The following CTNNA2 variants were observed in gnomAD, a reference collection of about 807,000 sequenced individuals.
CTNNA2 encodes catenin alpha-2.
In CTNNA2, 42 loss-of-function variants were observed where a neutral mutation model predicts 101.0. The ratio of observed to expected loss-of-function variants is 0.42; its 90% confidence interval spans 0.32 to 0.54. CTNNA2 has a LOEUF of 0.54. CTNNA2 is among the 20% of genes least tolerant of loss of function. The pLI is 0.14. For missense variants in CTNNA2, 871 were observed against 1,223.1 expected (o/e 0.71, Z 4.29); for synonymous variants, 450 against 456.4 (o/e 0.99, Z 0.18).
chr2:80,051,404 A>T (rs2104332537), intron 7 of CTNNA2, among the ~76,000 whole-genome samples: 1 of 152,352 alleles, frequency 6.6e-6, no homozygotes, highest in South Asian at 2.1e-4. Context: ...TGTAGATTCA[A>T]GCAAATAATA....
intron 9 of CTNNA2, among the ~76,000 whole-genome samples, chr2:80,513,062 C>T (rs548042338): frequency 6.6e-6 from 1 of 152,150 alleles, no homozygotes; most frequent in Non-Finnish European, 1.5e-5. Context: ...AGAGAGTATA[C>T]CCACAAGTGC....
At chr2:80,447,685 A>T (rs1209718357) in intron 9 of CTNNA2, among the ~76,000 whole-genome samples, 1 of 151,648 alleles carries the variant, frequency 6.6e-6, no homozygotes, top group East Asian at 1.9e-4. Flanking sequence ...CCTTCCCTTC[A>T]TCCTTCTCCC....
intron 1 of CTNNA2, among the ~76,000 whole-genome samples, chr2:79,516,683 T>TA (rs1371752387): frequency 6.6e-6 from 1 of 152,150 alleles, no homozygotes; most frequent in Non-Finnish European, 1.5e-5. Context: ...TTATCTCACC[T>TA]AAAGCCCCAT....
Position 80,402,701 on chromosome 2 carries a change from C to T in CTNNA2, c.1137+9410C>T, listed in dbSNP as rs138021706. Among the ~76,000 whole-genome samples, 895 of 150,780 alleles carry T rather than the reference C, an allele frequency of 5.9e-3. 9 individuals are homozygous for T. The highest frequency in any genetic ancestry group is 0.021 in the African/African-American group (847 of 41,114). ...TTAGGAACCAGGGCAGAGGTCTGAA[C>T]GAGGGGTTCAGGAACCAGGGGCAAT... On this transcript the variant is annotated intron_variant, in intron 8 of 18. Transcript: ENST00000402739.
intron 7 of CTNNA2, among the ~76,000 whole-genome samples, chr2:80,001,966 A>G (rs1470632623): frequency 6.6e-6 from 1 of 152,224 alleles, no homozygotes; most frequent in Non-Finnish European, 1.5e-5. Flanking sequence ...ATAACTCAGA[A>G]TTTACTCATT....
At chr2:80,413,687 C>G (rs1448631701) in intron 8 of CTNNA2, among the ~76,000 whole-genome samples, 1 of 152,202 alleles carries the variant, frequency 6.6e-6, no homozygotes, top group Non-Finnish European at 1.5e-5. Flanking sequence ...TGGATGGCTC[C>G]TGGCTCAGTC....
In CTNNA2 at chr2:80,530,555, G is replaced by A. The variant is rs939075647; in HGVS notation, c.1291-14427G>A. Among the ~76,000 whole-genome samples the A allele has an allele frequency of 5.9e-5, 9 of 152,160 alleles. No individual in the cohort carries two copies. The East Asian group carries it at 7.7e-4, about 13-fold the overall frequency. ...TAGTGACATTAGATAGCCAGGAAAC[G>A]TTGTTCATAAGTGGTATTAAGCAGA... On this transcript the variant is annotated intron_variant, in intron 9 of 18. Coordinates refer to ENST00000402739, the MANE Select transcript of CTNNA2 (RefSeq NM_001282597.3).
At chr2:79,840,862 C>T (rs995825787) in intron 3 of CTNNA2, among the ~76,000 whole-genome samples, 2 of 151,956 alleles carry the variant, frequency 1.3e-5, no homozygotes, top group Non-Finnish European at 2.9e-5. Flanking sequence ...CTTCGCCTCC[C>T]GGGTTCACGC....
intron 5 of CTNNA2, among the ~76,000 whole-genome samples, chr2:79,871,991 A>C (rs1272251472): frequency 6.6e-6 from 1 of 152,242 alleles, no homozygotes; most frequent in Admixed American, 6.5e-5. Context: ...AAAACAGTAG[A>C]ACAGAAGGAA....
At chr2:79,828,296 A>C (rs1175069979) in intron 3 of CTNNA2, among the ~76,000 whole-genome samples, 1 of 152,236 alleles carries the variant, frequency 6.6e-6, no homozygotes, top group African/African-American at 2.4e-5. Context: ...CAATAAACCT[A>C]AAATGCATCA....
At chr2:79,198,104 A>T (rs560195831) in intron 2 of CTNNA2, 2 of 152,266 alleles carry the variant, frequency 1.3e-5, no homozygotes, top group East Asian at 3.9e-4. Flanking sequence ...TTTCATACAC[A>T]TGGAGACTGG....
chr2:80,485,354 T>G (rs936063255), intron 9 of CTNNA2, among the ~76,000 whole-genome samples: 1 of 152,202 alleles, frequency 6.6e-6, no homozygotes, highest in African/African-American at 2.4e-5. Context: ...AAGAATTACT[T>G]TTCTGATAAC....
At chr2:80,519,668 T>G (rs1003501611) in intron 9 of CTNNA2, among the ~76,000 whole-genome samples, 3 of 152,218 alleles carry the variant, frequency 2.0e-5, no homozygotes, top group Non-Finnish European at 4.4e-5. Context: ...ATTTTTATAT[T>G]TATTCAAAGG....
intron 7 of CTNNA2, among the ~76,000 whole-genome samples, chr2:80,128,894 A>T (rs759472097): frequency 5.3e-5 from 8 of 152,186 alleles, no homozygotes; most frequent in Non-Finnish European, 1.0e-4. Flanking sequence ...CCTTAACATT[A>T]TGCTTTGCTC....
intron 4 of CTNNA2, among the ~76,000 whole-genome samples, chr2:79,383,734 C>T (rs1273869325): frequency 6.6e-6 from 1 of 152,116 alleles, no homozygotes; most frequent in Non-Finnish European, 1.5e-5. Flanking sequence ...CCAATTTGAC[C>T]TTGGGAACTA....
At chr2:79,999,589 A>C (rs1399007044) in intron 7 of CTNNA2, among the ~76,000 whole-genome samples, 1 of 152,158 alleles carries the variant, frequency 6.6e-6, no homozygotes, top group Non-Finnish European at 1.5e-5. Flanking sequence ...TCTATACATT[A>C]TTTTATTTAT....
intron 7 of CTNNA2, among the ~76,000 whole-genome samples, chr2:79,916,348 G>A (rs1206961328): frequency 1.3e-5 from 2 of 151,898 alleles, no homozygotes; most frequent in African/African-American, 4.8e-5. Context: ...CCTGTGGTGA[G>A]GTTTTCCTTG....
chr2:80,636,629 TA>T (rs1462593827), intron 18 of CTNNA2, among the ~76,000 whole-genome samples: 2 of 152,126 alleles, frequency 1.3e-5, no homozygotes, highest in Admixed American at 6.6e-5. Flanking sequence ...ATGATATTCT[TA>T]ACCAAAATGA....
At chr2:80,164,011 C>T (rs11889314) in intron 7 of CTNNA2, among the ~76,000 whole-genome samples, 18,121 of 151,226 alleles carry the variant, frequency 0.12, 2,651 homozygotes, top group African/African-American at 0.35. Context: ...CATCCTTCTA[C>T]TTATATTATT....
Sources: allele counts gnomAD v4.1 joint callset (sites outside exome capture counted in the v4.1 genomes callset), GRCh38; gene constraint gnomAD v4.1.1; transcripts MANE v1.5; gene names NCBI Gene and HGNC (gene_info 2026-07-23, HGNC 2026-07-21).